The following TMEM131L variants were observed in gnomAD, a reference collection of about 807,000 sequenced individuals.
TMEM131L encodes the protein transmembrane protein 131-like.
TMEM131L carries 54 observed loss-of-function variants against 192.2 expected under a neutral mutation model. The observed-to-expected ratio is 0.28, with a 90% CI of 0.23 to 0.35. TMEM131L has a LOEUF of 0.35. TMEM131L is among the 10% of genes least tolerant of loss of function. TMEM131L has a pLI of 1.00. For synonymous variants in TMEM131L, 701 were observed against 704.9 expected, an observed-to-expected ratio of 0.99 and a Z score of 0.09; for missense variants, 1,888 against 1,972.9, an observed-to-expected ratio of 0.96 and a Z score of 0.82.
At chr4:153,518,304 C>G (rs983003095) in intron 3 of TMEM131L, among the ~76,000 whole-genome samples, 2 of 152,176 alleles carry the variant, frequency 1.3e-5, no homozygotes, top group African/African-American at 4.8e-5. Flanking sequence ...GATGCTGCTG[C>G]GCATTTCGAA....
intron 8 of TMEM131L, 117 bp downstream of exon 8, chr4:153,581,020 G>A (rs762212298): frequency 4.1e-5 from 27 of 664,674 alleles, no homozygotes; most frequent in African/African-American, 4.0e-4. Context: ...TTGGGAGGCC[G>A]AGGCGAGTGG....
At chr4:153,526,964 T>C (rs1735534788) in intron 3 of TMEM131L, among the ~76,000 whole-genome samples, 1 of 152,202 alleles carries the variant, frequency 6.6e-6, no homozygotes, top group Non-Finnish European at 1.5e-5. Context: ...ATTGTTTATA[T>C]GTATCTTTGT....
chr4:153,468,980 G>C (rs1461115719), intron 2 of TMEM131L, among the ~76,000 whole-genome samples: 1 of 152,196 alleles, frequency 6.6e-6, no homozygotes, highest in African/African-American at 2.4e-5. Flanking sequence ...TCATTTGTTA[G>C]AGCGTTAGTT....
chr4:153,635,356 CT>C, intron 33 of TMEM131L, 75 bp from the exon 34 acceptor site: 1 of 1,451,854 alleles, frequency 6.9e-7, no homozygotes, highest in Admixed American at 1.7e-5. Context: ...ACCTTGAAAG[CT>C]TTTTTGCCTG....
chr4:153,594,938 T>G (rs982505213), intron 19 of TMEM131L, among the ~76,000 whole-genome samples: 1 of 152,214 alleles, frequency 6.6e-6, no homozygotes, highest in African/African-American at 2.4e-5. Flanking sequence ...TATTGAATCA[T>G]GTATAGCTTG....
At chr4:153,514,627 A>G (rs1674491794) in intron 3 of TMEM131L, among the ~76,000 whole-genome samples, 1 of 152,174 alleles carries the variant, frequency 6.6e-6, no homozygotes, top group African/African-American at 2.4e-5. Context: ...GCCCCATTTT[A>G]TAATAGGAAA....
intron 7 of TMEM131L, among the ~76,000 whole-genome samples, chr4:153,559,427 G>A (rs1485995957): frequency 1.3e-5 from 2 of 152,206 alleles, no homozygotes; most frequent in African/African-American, 2.4e-5. Context: ...CTGATGTGCT[G>A]TGGCTTGCAT....
intron 8 of TMEM131L, among the ~76,000 whole-genome samples, chr4:153,581,104 A>G (rs1309158202): frequency 6.6e-6 from 1 of 152,162 alleles, no homozygotes; most frequent in African/African-American, 2.4e-5. Flanking sequence ...ATACAAAAAA[A>G]TTAGCCAGGC....
chr4:153,602,743 C>G lies in TMEM131L; in HGVS notation c.2639+16C>G. 1 of 1,611,040 alleles carries G rather than the reference C, an allele frequency of 6.2e-7. No homozygotes were observed. The highest frequency in any genetic ancestry group is 8.5e-7 in the Non-Finnish European group (1 of 1,178,000). ...TCTTTGTCAGGTAAACCACTACTGT[C>G]TCCCTTGTTCTCTCACTGAGTAGAG... On this transcript the variant is annotated intron_variant, in intron 23 of 34. Transcript: ENST00000409959.
chr4:153,565,644 A>G (rs1351929870), intron 7 of TMEM131L, among the ~76,000 whole-genome samples: 2 of 152,242 alleles, frequency 1.3e-5, no homozygotes, highest in Admixed American at 1.3e-4. Flanking sequence ...GAAAAGATAA[A>G]TGCAAATACA....
intron 7 of TMEM131L, among the ~76,000 whole-genome samples, chr4:153,574,879 C>T (rs545318831): frequency 4.6e-5 from 7 of 152,280 alleles, no homozygotes; most frequent in Non-Finnish European, 8.8e-5. Flanking sequence ...TGAGCCACTG[C>T]GCCCGGCCGA....
intron 5 of TMEM131L, among the ~76,000 whole-genome samples, chr4:153,556,136 G>A (rs1341859988): frequency 6.6e-6 from 1 of 151,708 alleles, no homozygotes. Flanking sequence ...TGGGGGGTTG[G>A]GGGAGAGTTT....
At chr4:153,526,743 A>G (rs1351082396) in intron 3 of TMEM131L, among the ~76,000 whole-genome samples, 5 of 151,954 alleles carry the variant, frequency 3.3e-5, no homozygotes, top group Non-Finnish European at 5.9e-5. Context: ...TCTCAAAAAA[A>G]AAAAAAGGAA....
chr4:153,566,393 T>C (rs1379325910), intron 7 of TMEM131L, among the ~76,000 whole-genome samples: 2 of 152,064 alleles, frequency 1.3e-5, no homozygotes, highest in East Asian at 1.9e-4. Flanking sequence ...CCTCAGCCTC[T>C]CAAAGTGCCG....
chr4:153,617,704 A>G (rs1327626580), intron 26 of TMEM131L, among the ~76,000 whole-genome samples: 1 of 152,262 alleles, frequency 6.6e-6, no homozygotes, highest in African/African-American at 2.4e-5. Context: ...CACAGTGAAC[A>G]GGATCCTGCT....
chr4:153,564,313 A>G (rs1428172431), intron 7 of TMEM131L, among the ~76,000 whole-genome samples: 1 of 150,240 alleles, frequency 6.7e-6, no homozygotes, highest in African/African-American at 2.5e-5. Flanking sequence ...AAAAAAAAAA[A>G]AGGCCCAAGG....
chr4:153,549,039 A>G (rs1042804425), intron 3 of TMEM131L, among the ~76,000 whole-genome samples: 1 of 152,116 alleles, frequency 6.6e-6, no homozygotes, highest in Non-Finnish European at 1.5e-5. Flanking sequence ...ATCATAGCTT[A>G]CTGCAAGCTC....
At position 153,564,922 on chromosome 4, in the gene TMEM131L, T is replaced by A. The variant is rs113031156; in HGVS notation, c.660+6554T>A. On this transcript the variant is annotated intron_variant, in intron 7 of 34. Transcript: ENST00000409959. ...GCTCAGAGCTTCTACCCCTCTTTTCTGAACTCTGGCCTCACAGACCTTTCA... is the reference window on the plus strand; with the variant it reads ...GCTCAGAGCTTCTACCCCTCTTTTCAGAACTCTGGCCTCACAGACCTTTCA... Among the ~76,000 whole-genome samples, 437 of 152,346 alleles carry A rather than the reference T, an allele frequency of 2.9e-3. 2 individuals are homozygous for A. The highest frequency in any genetic ancestry group is 0.01 in the African/African-American group (416 of 41,580).
chr4:153,539,519 G>A (rs79129677), intron 3 of TMEM131L, among the ~76,000 whole-genome samples: 12 of 39,014 alleles, frequency 3.1e-4, no homozygotes, highest in African/African-American at 1.2e-3. Context: ...TTTTTTTTTT[G>A]AGGAGAGAAG....
Sources: allele counts gnomAD v4.1 joint callset (sites outside exome capture counted in the v4.1 genomes callset), GRCh38; gene constraint gnomAD v4.1.1; transcripts MANE v1.5; gene names NCBI Gene and HGNC (gene_info 2026-07-23, HGNC 2026-07-21).